Variants in SLC9A9 observed in about 807,000 individuals in gnomAD.
SLC9A9 encodes sodium/hydrogen exchanger 9.
In SLC9A9, 62 loss-of-function variants were observed where a neutral mutation model predicts 77.8. The observed-to-expected ratio is 0.80, with a 90% CI of 0.65 to 0.98. The LOEUF is 0.98. Among genes scored for constraint, SLC9A9 ranks in the 50% least tolerant of loss-of-function variants. The pLI is 0.00. For missense variants in SLC9A9, 775 were observed against 774.9 expected, an observed-to-expected ratio of 1.00 and a Z score of 0.00; for synonymous variants, 320 against 283.5, an observed-to-expected ratio of 1.13 and a Z score of -1.29.
intron 6 of SLC9A9, among the ~76,000 whole-genome samples, chr3:143,629,984 G>A (rs909129529): frequency 1.3e-5 from 2 of 151,880 alleles, no homozygotes; most frequent in South Asian, 4.2e-4. Flanking sequence ...GGAGATGAAA[G>A]ATAATCCAAT....
intron 12 of SLC9A9, among the ~76,000 whole-genome samples, chr3:143,458,017 C>T (rs1576511508): frequency 1.3e-5 from 2 of 152,140 alleles, no homozygotes; most frequent in African/African-American, 4.8e-5. Flanking sequence ...ATATCAGTTA[C>T]TCAGGGACAA....
chr3:143,681,986 C>T lies in SLC9A9; in HGVS notation c.649+11206G>A, dbSNP rs573042805. 3.3e-5 allele frequency among the ~76,000 whole-genome samples: 5 copies of T among 152,256 alleles called. No homozygotes were observed. The South Asian group carries it at 1.0e-3, about 32-fold the overall frequency. On this transcript the variant is annotated intron_variant, in intron 5 of 15. Transcript: ENST00000316549. Reference sequence around the variant, plus strand: ...CGTCCACAGATTTCCACAACCCAAACCACTTTTCAGGATTCATAGCTTTCC... The same window carrying T: ...CGTCCACAGATTTCCACAACCCAAATCACTTTTCAGGATTCATAGCTTTCC...
intron 12 of SLC9A9, among the ~76,000 whole-genome samples, chr3:143,416,590 A>T (rs2034194740): frequency 1.3e-5 from 2 of 152,074 alleles, no homozygotes. Context: ...GGATATATAT[A>T]TTTTTAGACA....
chr3:143,323,474 G>A (rs1559867666), intron 14 of SLC9A9, among the ~76,000 whole-genome samples: 1 of 152,184 alleles, frequency 6.6e-6, no homozygotes, highest in African/African-American at 2.4e-5. Flanking sequence ...GCCACAGAAA[G>A]ACAGATACTG....
chr3:143,649,202 T>A (rs1311796690), intron 6 of SLC9A9, among the ~76,000 whole-genome samples: 1 of 152,220 alleles, frequency 6.6e-6, no homozygotes, highest in Admixed American at 6.5e-5. Flanking sequence ...CTCCTTGAGA[T>A]CTCTTCCATA....
chr3:143,597,778 G>C (rs1226748500), intron 6 of SLC9A9, among the ~76,000 whole-genome samples: 1 of 152,160 alleles, frequency 6.6e-6, no homozygotes, highest in Non-Finnish European at 1.5e-5. Context: ...TGGCAGGCAG[G>C]AGCCAAGTGG....
At chr3:143,614,914 C>G (rs1450240734) in intron 6 of SLC9A9, among the ~76,000 whole-genome samples, 1 of 152,150 alleles carries the variant, frequency 6.6e-6, no homozygotes, top group Non-Finnish European at 1.5e-5. Flanking sequence ...CTGTCATGTT[C>G]AGAGTTCTTC....
intron 5 of SLC9A9, among the ~76,000 whole-genome samples, chr3:143,666,114 C>T (rs556241952): frequency 2.4e-4 from 37 of 152,286 alleles, no homozygotes; most frequent in African/African-American, 8.2e-4. Flanking sequence ...AATCCAGCAG[C>T]ACATCAAAAA....
At chr3:143,594,759 GA>G (rs11330385) in intron 6 of SLC9A9, among the ~76,000 whole-genome samples, 15,137 of 148,784 alleles carry the variant, frequency 0.1, 1,392 homozygotes, top group African/African-American at 0.25. Flanking sequence ...TATTAAACCA[GA>G]AAAAAAAAAT....
intron 6 of SLC9A9, among the ~76,000 whole-genome samples, chr3:143,591,100 G>A (rs1222001503): frequency 6.6e-6 from 1 of 152,170 alleles, no homozygotes; most frequent in African/African-American, 2.4e-5. Context: ...GCCTGAGGGA[G>A]TTTCACCTAG....
intron 9 of SLC9A9, among the ~76,000 whole-genome samples, chr3:143,498,923 C>T (rs1371338861): frequency 6.6e-6 from 1 of 152,134 alleles, no homozygotes; most frequent in Admixed American, 6.6e-5. Flanking sequence ...TTACAAGGTA[C>T]TTATTCATAC....
chr3:143,733,648 G>A (rs950871313), intron 4 of SLC9A9, among the ~76,000 whole-genome samples: 2 of 152,090 alleles, frequency 1.3e-5, no homozygotes, highest in Non-Finnish European at 2.9e-5. Context: ...TCCTGGTAGA[G>A]AGACAGGCAA....
chr3:143,351,203 A>G (rs2032444502), intron 14 of SLC9A9, among the ~76,000 whole-genome samples: 1 of 152,234 alleles, frequency 6.6e-6, no homozygotes, highest in Admixed American at 6.5e-5. Flanking sequence ...TAATTTCTCA[A>G]TGCACTGTGA....
chr3:143,284,504 A>C (rs887674820), intron 14 of SLC9A9, among the ~76,000 whole-genome samples: 3 of 151,350 alleles, frequency 2.0e-5, no homozygotes, highest in Non-Finnish European at 4.4e-5. Flanking sequence ...TAAATATTTT[A>C]GCAGGATGGA....
At chr3:143,447,350 A>G (rs907985694) in intron 12 of SLC9A9, among the ~76,000 whole-genome samples, 4 of 152,284 alleles carry the variant, frequency 2.6e-5, no homozygotes, top group Admixed American at 2.6e-4. Flanking sequence ...AAAACACACA[A>G]CATCAAAAAC....
chr3:143,404,750 T>C lies in SLC9A9; in HGVS notation c.1470-22636A>G, dbSNP rs183675465. On this transcript the variant is annotated intron_variant, in intron 12 of 15. Coordinates refer to ENST00000316549, the MANE Select transcript of SLC9A9 (RefSeq NM_173653.4). Reference sequence around the variant, plus strand: ...CTCCTCCCCCATACCCATGGCATGTTGATAATTCCTGGTTTTGTTAATTTA... The same window carrying C: ...CTCCTCCCCCATACCCATGGCATGTCGATAATTCCTGGTTTTGTTAATTTA... Among the ~76,000 whole-genome samples the C allele has an allele frequency of 5.8e-4, 89 of 152,328 alleles. 1 individual carries two copies. The highest frequency in any genetic ancestry group is 1.4e-3 in the Admixed American group (22 of 15,300).
intron 9 of SLC9A9, among the ~76,000 whole-genome samples, chr3:143,542,344 A>G (rs935134637): frequency 3.9e-5 from 6 of 152,198 alleles, no homozygotes; most frequent in African/African-American, 7.2e-5. Flanking sequence ...TTACAAAAGA[A>G]ATGTAATTAG....
chr3:143,687,949 G>A (rs985920886), intron 5 of SLC9A9, among the ~76,000 whole-genome samples: 16 of 151,918 alleles, frequency 1.1e-4, no homozygotes, highest in African/African-American at 3.9e-4. Context: ...ATGCAGATAA[G>A]TAACCATCTT....
chr3:143,460,825 T>A (rs1368951016), intron 12 of SLC9A9, among the ~76,000 whole-genome samples: 3 of 152,240 alleles, frequency 2.0e-5, no homozygotes, highest in Non-Finnish European at 2.9e-5. Flanking sequence ...CAAGTTACTA[T>A]AGTTATCCAA....
Sources: gnomAD v4.1 joint callset for allele counts (sites outside exome capture counted in the v4.1 genomes callset) on GRCh38, gnomAD v4.1.1 for gene constraint, MANE v1.5 for transcripts, NCBI Gene and HGNC (gene_info 2026-07-23, HGNC 2026-07-21) for gene names.